Variants in TRAP1 observed in about 807,000 individuals in gnomAD.
TRAP1 encodes TNF receptor associated protein 1.
TRAP1 carries 102 observed loss-of-function variants against 89.1 expected under a neutral mutation model. The observed-to-expected ratio is 1.15, with a 90% CI of 0.98 to 1.35. The LOEUF is 1.35. Ranked by LOEUF, TRAP1 falls within the 40% of genes most tolerant of loss-of-function variation. The probability of loss-of-function intolerance (pLI) is 0.00; values close to 1 mark genes in which losing one functional copy is unlikely to be tolerated. For synonymous variants in TRAP1, 508 were observed against 388.0 expected (o/e 1.31, Z -3.64); for missense variants, 1,256 against 945.3 (o/e 1.33, Z -4.31).
chr16:3,712,285 C>CAAAAAAAAAAAAAAAAAAA (rs764259574), intron 1 of TRAP1, among the ~76,000 whole-genome samples: 1 of 32,054 alleles, frequency 3.1e-5, no homozygotes, highest in Non-Finnish European at 5.5e-5. Flanking sequence ...GAATCTGTCT[C>CAAAAAAAAAAAAAAAAAAA]AAAAAAAAAA....
chr16:3,690,881 C>A lies in TRAP1; in HGVS notation c.193G>T (p.Glu65Ter), dbSNP rs772715172. 1 of 1,587,066 alleles carries A rather than the reference C, an allele frequency of 6.3e-7. No homozygotes were observed. Among genetic ancestry groups the A allele is most frequent in the East Asian group, 2.4e-5 (1 of 41,746 alleles). The change falls in exon 2 of 18, where the codon GAG becomes TAG. Residue 65 changes from glutamate to a stop codon, truncating the protein, a stop_gained. Transcript: ENST00000246957. LOFTEE classifies it high-confidence loss of function. ...AGRLFSTQTA[E>*]DKEEPLHSII... ...GAGTGCAGGGGTTCCTCCTTGTCCT[C>A]GGCGGTCTGCGTGCTGAACAGTCGT... is the stretch of plus-strand genomic sequence containing the variant.
intron 1 of TRAP1, among the ~76,000 whole-genome samples, chr16:3,707,465 G>A (rs576254053): frequency 2.6e-5 from 4 of 151,456 alleles, no homozygotes; most frequent in East Asian, 3.9e-4. Context: ...GATTACAAGC[G>A]TGAGCCACCG....
chr16:3,672,141 G>T (rs1366458808), intron 10 of TRAP1, among the ~76,000 whole-genome samples: 1 of 152,130 alleles, frequency 6.6e-6, no homozygotes, highest in African/African-American at 2.4e-5. Context: ...TTCGAGACCA[G>T]CCCGGCAATT....
chr16:3,692,965 TG>T (rs1360934195), intron 1 of TRAP1, among the ~76,000 whole-genome samples: 1 of 150,168 alleles, frequency 6.7e-6, no homozygotes, highest in Non-Finnish European at 1.5e-5. Flanking sequence ...CTTTTGTTTT[TG>T]TTTTTTTTTG....
Position 3,661,969 on chromosome 16 carries a change from C to T in TRAP1, c.1940+18G>A. 2 of 1,586,528 alleles carry T rather than the reference C, an allele frequency of 1.3e-6. No homozygotes were observed. Among genetic ancestry groups the T allele is most frequent in the South Asian group, 1.1e-5 (1 of 88,744 alleles). On this transcript the variant is annotated intron_variant, in intron 16 of 17. Coordinates refer to ENST00000246957, the MANE Select transcript of TRAP1 (RefSeq NM_016292.3). The stretch of plus-strand genomic sequence containing the variant: ...TGGGGAATCCCACAGGCTGGAAGAG[C>T]CAGGAGCGTGGCCTCACCTGGGGTT...
chr16:3,706,088 T>C (rs2051441097), intron 1 of TRAP1, among the ~76,000 whole-genome samples: 1 of 151,732 alleles, frequency 6.6e-6, no homozygotes, highest in African/African-American at 2.4e-5. Context: ...CAAGTGATTC[T>C]CCTGCTGAGG....
Position 3,674,364 on chromosome 16 carries a change from C to T in TRAP1, c.1019G>A (p.Arg340His), listed in dbSNP as rs145715008. Residue 340 changes from arginine (R) to histidine (H), a missense_variant, in exon 9 of 18, where the codon CGC becomes CAC. Coordinates refer to ENST00000246957, the MANE Select transcript of TRAP1 (RefSeq NM_016292.3). The part of the protein sequence containing the change: ...HYKTDAPLNI[R>H]SIFYVPDMKP... The stretch of plus-strand genomic sequence containing the variant: ...CATGTCGGGCACGTAGAAGATGCTG[C>T]GGATGTTGAGCGGTGCGTCCGTCTT... 7.2e-4 allele frequency: 1,159 copies of T among 1,614,034 alleles called. No homozygotes were observed. Among genetic ancestry groups the T allele is most frequent in the Non-Finnish European group, 9.2e-4 (1,080 of 1,180,012 alleles).
chr16:3,710,879 A>ATATTTTTT lies in TRAP1; in HGVS notation c.88+6541_88+6542insAAAAAATA, dbSNP rs71133652. Among the ~76,000 whole-genome samples, 216 of 125,782 alleles carry ATATTTTTT rather than the reference A, an allele frequency of 1.7e-3. 1 individual carries two copies. Among genetic ancestry groups the ATATTTTTT allele is most frequent in the African/African-American group, 6.6e-3 (201 of 30,566 alleles). 82.5% of individuals were successfully genotyped at this position (125,782 alleles called of 152,430 possible). The stretch of plus-strand genomic sequence containing the variant: ...TGTGTATATATATATATATATATAT[A>ATATTTTTT]TTTTTTTTTTTGAGACACTGTCACT... On this transcript the variant is annotated intron_variant, in intron 1 of 17. Coordinates refer to ENST00000246957, the MANE Select transcript of TRAP1 (RefSeq NM_016292.3).
At chr16:3,681,113 C>G (rs1319228844) in intron 4 of TRAP1, among the ~76,000 whole-genome samples, 1 of 152,178 alleles carries the variant, frequency 6.6e-6, no homozygotes, top group African/African-American at 2.4e-5. Flanking sequence ...AATGTAGCCA[C>G]AGCCCCAGCT....
intron 1 of TRAP1, among the ~76,000 whole-genome samples, chr16:3,696,879 A>G (rs1298965980): frequency 1.3e-5 from 2 of 152,042 alleles, no homozygotes; most frequent in African/African-American, 4.8e-5. Flanking sequence ...GGCTCATGCC[A>G]CCATACCCGG....
chr16:3,685,955 A>G (rs748883904), intron 4 of TRAP1, 41 bp downstream of exon 4: 23 of 1,600,566 alleles, frequency 1.4e-5, no homozygotes, highest in Non-Finnish European at 2.0e-5. Flanking sequence ...TCCTTGCTGC[A>G]TGGCCGGGCC....
rs770230270 is a variant in TRAP1 at position 3,689,081 on chromosome 16, C to T, written c.304G>A (p.Ala102Thr). 1.9e-6 allele frequency: 3 copies of T among 1,613,856 alleles called. No homozygotes were observed. Among genetic ancestry groups the T allele is most frequent in the South Asian group, 1.1e-5 (1 of 91,038 alleles). ...TCTTTTTCTGAGTACAGGGACCGGG[C>T]AACAATGTCCAAAAGCTTCTTTGTC... The part of the protein sequence containing the change: ...AETKKLLDIV[A>T]RSLYSEKEVF... The change falls in exon 3 of 18, where the codon GCC (alanine) becomes ACC (threonine). Residue 102 changes from alanine (A) to threonine (T), a missense_variant. By Grantham distance (58) the Ala-to-Thr change is moderately conservative. Transcript: ENST00000246957.
chr16:3,694,610 T>A (rs2051262073), intron 1 of TRAP1, among the ~76,000 whole-genome samples: 1 of 152,140 alleles, frequency 6.6e-6, no homozygotes, highest in Non-Finnish European at 1.5e-5. Context: ...AGTGCTGGGA[T>A]TACAGACGTG....
intron 11 of TRAP1, among the ~76,000 whole-genome samples, chr16:3,669,748 G>C (rs1157137982): frequency 6.7e-6 from 1 of 148,796 alleles, no homozygotes; most frequent in Non-Finnish European, 1.5e-5. Flanking sequence ...CAGGAGAATG[G>C]CATGAACCCG....
chr16:3,659,784 C>T (rs928273712), intron 16 of TRAP1: 5 of 150,530 alleles, frequency 3.3e-5, no homozygotes, highest in Admixed American at 6.6e-5. Context: ...TAGATAGACT[C>T]TCACTCCTTC....
rs1231132156 is a variant in TRAP1 at position 3,689,049 on chromosome 16, A to T, written c.330+6T>A. 1 of 1,610,072 alleles carries T rather than the reference A, an allele frequency of 6.2e-7. No homozygotes were observed. Among genetic ancestry groups the T allele is most frequent in the Non-Finnish European group, 8.5e-7 (1 of 1,178,044 alleles). ...TAGCATCGGGCATGGTTAGCAGGGAACGCACCTCTTTTTCTGAGTACAGGG... is the reference window on the plus strand; with the variant it reads ...TAGCATCGGGCATGGTTAGCAGGGATCGCACCTCTTTTTCTGAGTACAGGG... On this transcript the variant is annotated splice_donor_region_variant and intron_variant, in intron 3 of 17. Coordinates refer to ENST00000246957, the MANE Select transcript of TRAP1 (RefSeq NM_016292.3).
At chr16:3,707,247 G>A (rs1414512892) in intron 1 of TRAP1, among the ~76,000 whole-genome samples, 5 of 148,036 alleles carry the variant, frequency 3.4e-5, no homozygotes, top group South Asian at 2.1e-4. Context: ...GTGCAGTGGC[G>A]GGATCTCGGC....
intron 1 of TRAP1, among the ~76,000 whole-genome samples, chr16:3,710,817 T>G (rs1430133380): frequency 6.6e-6 from 1 of 151,442 alleles, no homozygotes; most frequent in African/African-American, 2.4e-5. Context: ...TGGCATTTAA[T>G]TTAGCTATCT....
intron 1 of TRAP1, among the ~76,000 whole-genome samples, chr16:3,709,697 C>T (rs1287070532): frequency 1.3e-5 from 2 of 152,224 alleles, no homozygotes; most frequent in East Asian, 3.9e-4. Context: ...TGTTGCCAGG[C>T]TGGAGTGCAG....
Sources: allele counts gnomAD v4.1 joint callset (sites outside exome capture counted in the v4.1 genomes callset), GRCh38; gene constraint gnomAD v4.1.1; transcripts MANE v1.5; gene names NCBI Gene and HGNC (gene_info 2026-07-23, HGNC 2026-07-21).